FAM91A1: variants seen among roughly 807,000 people sequenced by gnomAD.
The protein encoded by FAM91A1 is protein FAM91A1.
FAM91A1 carries 41 observed loss-of-function variants against 113.5 expected under a neutral mutation model. That is an observed-to-expected ratio of 0.36 (90% CI 0.28 to 0.47). The LOEUF (loss-of-function observed/expected upper bound fraction) is 0.47. Among genes scored for constraint, FAM91A1 ranks in the 20% least tolerant of loss-of-function variants. The pLI is 1.00. For synonymous variants in FAM91A1, 307 were observed against 347.9 expected (o/e 0.88, Z 1.31); for missense variants, 696 against 1,001.2 (o/e 0.70, Z 4.11).
chr8:123,773,315 T>C (rs1199508800), intron 1 of FAM91A1, among the ~76,000 whole-genome samples: 2 of 152,214 alleles, frequency 1.3e-5, no homozygotes, highest in East Asian at 3.8e-4. Context: ...TCCTAAGATG[T>C]CTAATTTCAC....
At chr8:123,773,634 T>C (rs977681879) in intron 1 of FAM91A1, among the ~76,000 whole-genome samples, 20 of 152,344 alleles carry the variant, frequency 1.3e-4, no homozygotes, top group African/African-American at 2.9e-4. Flanking sequence ...TTAATAATTA[T>C]AACCCTCAGC....
Position 123,814,434 on chromosome 8 carries a change from A to G in FAM91A1, c.*1730A>G, listed in dbSNP as rs1816025424. The stretch of plus-strand genomic sequence containing the variant: ...TTATTTATTCCTATATTAACCATCT[A>G]AACCAACTGTAATGACATGTACACT... On this transcript the variant is annotated 3_prime_UTR_variant, in exon 24 of 24. Transcript: ENST00000334705. 5.4e-6 allele frequency: 1 copy of G among 186,436 alleles called. No individual in the cohort carries two copies. The highest frequency in any genetic ancestry group is 1.1e-5 in the Non-Finnish European group (1 of 89,978). 11.5% of individuals were successfully genotyped at this position (186,436 alleles called of 1,614,324 possible). A position where few individuals can be genotyped will look rare whatever the true frequency, so the allele number is the denominator to read the frequency against.
intron 16 of FAM91A1, 24 bp from the exon 17 acceptor site, chr8:123,799,496 A>G (rs369850573): frequency 3.7e-6 from 6 of 1,600,870 alleles, no homozygotes; most frequent in Non-Finnish European, 4.3e-6. Flanking sequence ...TTTTAACTTT[A>G]TCTTAACTGT....
At chr8:123,803,364 C>T (rs541179969) in intron 18 of FAM91A1, among the ~76,000 whole-genome samples, 30 of 152,048 alleles carry the variant, frequency 2.0e-4, no homozygotes, top group Admixed American at 1.6e-3. Context: ...GGCTGAAGTC[C>T]GTGGCATGAT....
chr8:123,801,607 A>C (rs1258300209), intron 18 of FAM91A1, among the ~76,000 whole-genome samples: 6 of 152,190 alleles, frequency 3.9e-5, no homozygotes, highest in African/African-American at 1.4e-4. Flanking sequence ...CTGCATAAGC[A>C]CTCAGTTTCA....
At chr8:123,812,410 C>CATTAAAA in intron 23 of FAM91A1, 109 bp from the exon 24 acceptor site, 2 of 749,284 alleles carry the variant, frequency 2.7e-6, no homozygotes, top group East Asian at 3.1e-5. Context: ...TACTGCTTTG[C>CATTAAAA]AATCCATAAA....
chr8:123,805,465 A>G lies in FAM91A1; in HGVS notation c.1882+126A>G. ...TTTAAGTTCTAGGTTCTTTGCTACT[A>G]AAGAGTGTTGGCAAAAGGTAGTTTT... On this transcript the variant is annotated intron_variant, in intron 19 of 23. Coordinates refer to ENST00000334705, the MANE Select transcript of FAM91A1 (RefSeq NM_144963.4). The G allele has an allele frequency of 1.2e-5, 9 of 762,344 alleles. 1 individual carries two copies. The highest frequency in any genetic ancestry group is 1.2e-4 in the South Asian group (6 of 51,894). 47.2% of individuals were successfully genotyped at this position (762,344 alleles called of 1,614,324 possible). A position where few individuals can be genotyped will look rare whatever the true frequency, so the allele number is the denominator to read the frequency against.
chr8:123,814,965 C>CTT lies in FAM91A1; in HGVS notation c.*2263_*2264dup, dbSNP rs767902622. 6.6e-6 allele frequency: 1 copy of CTT among 152,524 alleles called. No individual in the cohort carries two copies. Among genetic ancestry groups the CTT allele is most frequent in the Non-Finnish European group, 1.5e-5 (1 of 68,024 alleles). 9.4% of individuals were successfully genotyped at this position (152,524 alleles called of 1,614,324 possible). A position where few individuals can be genotyped will look rare whatever the true frequency, so the allele number is the denominator to read the frequency against. On this transcript the variant is annotated 3_prime_UTR_variant, in exon 24 of 24. Coordinates refer to ENST00000334705, the MANE Select transcript of FAM91A1 (RefSeq NM_144963.4). ...ATTTGGCTTTTTACCATGTTCCTTC[C>CTT]TTTCTTTTTCCCGCTTCCTTAATGT...
rs1277824961 is a variant in FAM91A1 at position 123,786,616 on chromosome 8, CA to C, written c.1078+7del. On this transcript the variant is annotated splice_region_variant and intron_variant, in intron 12 of 23. Transcript: ENST00000334705. ...AAATAGTCAAGAAGATCCAGGTTAG[CA>C]GTAACTCAGTTTAACATAGAGTCTG... is the stretch of plus-strand genomic sequence containing the variant. 3 of 1,605,960 alleles carry C rather than the reference CA, an allele frequency of 1.9e-6. No individual in the cohort carries two copies. The Admixed American group carries it at 5.0e-5, about 27-fold the overall frequency.
At chr8:123,774,058 A>C (rs1434697240) in intron 1 of FAM91A1, 22 bp from the exon 2 acceptor site, 15 of 1,597,668 alleles carry the variant, frequency 9.4e-6, no homozygotes, top group Non-Finnish European at 1.2e-5. Flanking sequence ...GTTGTTTAAA[A>C]TCTTTTTGAA....
In FAM91A1 at chr8:123,772,271, CAG is replaced by C. The variant is rs970281982; in HGVS notation, c.73-1807_73-1806del. 9.9e-5 allele frequency among the ~76,000 whole-genome samples: 15 copies of C among 152,194 alleles called. No homozygotes were observed. The South Asian group carries it at 2.9e-3, about 29-fold the overall frequency. ...GTGTATTAAGAGACTTATTTTGAAA[CAG>C]AAGAGCAAAACCTCAAGCTAGATTT... On this transcript the variant is annotated intron_variant, in intron 1 of 23. Transcript: ENST00000334705.
chr8:123,795,838 C>T lies in FAM91A1; in HGVS notation c.1412-2252C>T, dbSNP rs190762798. Among the ~76,000 whole-genome samples, 45 of 152,242 alleles carry T rather than the reference C, an allele frequency of 3.0e-4. No homozygotes were observed. The East Asian group carries it at 7.5e-3, about 26-fold the overall frequency. ...GGGGCAGGCTTACTACTGTTTTGTGCAAATGTAGTCAGGTTTCTGGTCAGG... is the reference window on the plus strand; with the variant it reads ...GGGGCAGGCTTACTACTGTTTTGTGTAAATGTAGTCAGGTTTCTGGTCAGG... On this transcript the variant is annotated intron_variant, in intron 15 of 23. Coordinates refer to ENST00000334705, the MANE Select transcript of FAM91A1 (RefSeq NM_144963.4).
chr8:123,785,762 A>T, intron 11 of FAM91A1, 21 bp downstream of exon 11: 1 of 1,406,092 alleles, frequency 7.1e-7, no homozygotes, highest in South Asian at 1.3e-5. Flanking sequence ...TTTATTCAGT[A>T]TGAGCTATTA....
chr8:123,781,327 T>C (rs1422790235), intron 8 of FAM91A1, among the ~76,000 whole-genome samples: 1 of 152,146 alleles, frequency 6.6e-6, no homozygotes, highest in Non-Finnish European at 1.5e-5. Context: ...ATTAACAAAT[T>C]AGTGGTGATA....
intron 16 of FAM91A1, among the ~76,000 whole-genome samples, chr8:123,799,077 G>C (rs1815613322): frequency 6.6e-6 from 1 of 152,200 alleles, no homozygotes; most frequent in African/African-American, 2.4e-5. Context: ...GATTCCTCTT[G>C]TGAAAATTGT....
Position 123,780,016 on chromosome 8 carries a change from A to T in FAM91A1, c.581A>T (p.Asp194Val). Residue 194 changes from aspartate (D) to valine (V), a missense_variant, in exon 7 of 24, where the codon GAT (aspartate) becomes GTT (valine). Physicochemically the swap from Asp to Val is radical, Grantham distance 152 (BLOSUM62 -3). Transcript: ENST00000334705. ...ACTTTGCCTGAGAAATGCGCTGTTG[A>T]TAAGATCATCGATTCAGGCCCTCAA... ...ICTLPEKCAV[D>V]KIIDSGPQLS... The T allele has an allele frequency of 6.2e-7, 1 of 1,613,566 alleles. No individual in the cohort carries two copies. Among genetic ancestry groups the T allele is most frequent in the Non-Finnish European group, 8.5e-7 (1 of 1,179,658 alleles).
Position 123,808,288 on chromosome 8 carries a change from T to G in FAM91A1, c.2049T>G (p.Ala683=), listed in dbSNP as rs374089969. 5 of 1,612,732 alleles carry G rather than the reference T, an allele frequency of 3.1e-6. No homozygotes were observed. In the African/African-American group the frequency reaches 6.7e-5, roughly 21 times the overall value. ...ASDERGEPDL[A]SGSDVNGSTE... ...AATTATAAGGAGAACCTGATTTGGC[T>G]TCTGGCTCAGATGTAAATGGGAGTA... Residue 683 remains alanine, a synonymous_variant, in exon 21 of 24, where the codon GCT becomes GCG. Coordinates refer to ENST00000334705, the MANE Select transcript of FAM91A1 (RefSeq NM_144963.4).
chr8:123,803,450 A>G (rs182876026), intron 18 of FAM91A1, among the ~76,000 whole-genome samples: 57 of 152,206 alleles, frequency 3.7e-4, no homozygotes, highest in African/African-American at 1.2e-3. Context: ...AGCTGGGACT[A>G]CAAGCTCACG....
chr8:123,786,668 C>T, intron 12 of FAM91A1, 58 bp downstream of exon 12: 1 of 1,225,326 alleles, frequency 8.2e-7, no homozygotes, highest in Admixed American at 1.7e-5. Flanking sequence ...CATGTCCAAA[C>T]ATACACTCTT....
Sources: allele counts gnomAD v4.1 joint callset (sites outside exome capture counted in the v4.1 genomes callset), GRCh38; gene constraint gnomAD v4.1.1; transcripts MANE v1.5; gene names NCBI Gene and HGNC (gene_info 2026-07-23, HGNC 2026-07-21).